The following VPS54 variants were observed in gnomAD, a reference collection of about 807,000 sequenced individuals.
VPS54 encodes vacuolar protein sorting-associated protein 54.
A neutral mutation model predicts 121.5 loss-of-function variants in VPS54; 45 were observed. That is an observed-to-expected ratio of 0.37 (90% CI 0.29 to 0.47). The LOEUF is 0.47. Ranked by LOEUF, VPS54 falls within the 20% of genes least tolerant of loss-of-function variation. The probability of loss-of-function intolerance (pLI) is 0.99; values close to 1 mark genes in which losing one functional copy is unlikely to be tolerated. For synonymous variants in VPS54, 371 were observed against 385.8 expected (o/e 0.96, Z 0.45); for missense variants, 1,090 against 1,131.4 (o/e 0.96, Z 0.52).
intron 7 of VPS54, among the ~76,000 whole-genome samples, chr2:63,960,318 A>T (rs1675698573): frequency 6.6e-6 from 1 of 152,254 alleles, no homozygotes. Flanking sequence ...AAACAAAAAA[A>T]GTAAGGTTGA....
chr2:63,975,757 C>G (rs1276809184), intron 3 of VPS54, among the ~76,000 whole-genome samples: 1 of 152,184 alleles, frequency 6.6e-6, no homozygotes, highest in Non-Finnish European at 1.5e-5. Flanking sequence ...TAACAAAACT[C>G]TAGTCTCCCA....
chr2:63,982,682 G>T (rs1029184565), intron 2 of VPS54, among the ~76,000 whole-genome samples: 1 of 152,168 alleles, frequency 6.6e-6, no homozygotes, highest in African/African-American at 2.4e-5. Context: ...GGACATCATA[G>T]CCTTCTTGCA....
chr2:64,015,653 G>T (rs1307583239), intron 1 of VPS54, among the ~76,000 whole-genome samples: 1 of 152,148 alleles, frequency 6.6e-6, no homozygotes, highest in Non-Finnish European at 1.5e-5. Context: ...TTCCCTTGGA[G>T]TCAAAACCGT....
At chr2:63,988,911 C>T (rs1172674050) in intron 1 of VPS54, among the ~76,000 whole-genome samples, 1 of 152,022 alleles carries the variant, frequency 6.6e-6, no homozygotes, top group African/African-American at 2.4e-5. Flanking sequence ...TCTCTTATTG[C>T]CAAAAACGAG....
intron 1 of VPS54, among the ~76,000 whole-genome samples, chr2:63,993,882 C>A (rs1677450653): frequency 6.6e-6 from 1 of 152,200 alleles, no homozygotes; most frequent in African/African-American, 2.4e-5. Context: ...ATTTCTACCC[C>A]TTATACCTCT....
At chr2:63,959,889 C>T (rs1181858775) in intron 7 of VPS54, among the ~76,000 whole-genome samples, 1 of 151,912 alleles carries the variant, frequency 6.6e-6, no homozygotes, top group East Asian at 1.9e-4. Context: ...GGCACAGTGG[C>T]GGGCACCTGT....
chr2:64,008,735 C>G (rs1559056546), intron 1 of VPS54, among the ~76,000 whole-genome samples: 1 of 151,974 alleles, frequency 6.6e-6, no homozygotes, highest in Non-Finnish European at 1.5e-5. Context: ...AGCGCTAGAT[C>G]AAGAGCATGT....
intron 7 of VPS54, among the ~76,000 whole-genome samples, chr2:63,951,667 T>A (rs1385197498): frequency 2.0e-5 from 3 of 152,214 alleles, no homozygotes; most frequent in Non-Finnish European, 2.9e-5. Context: ...GTGCTGTGTA[T>A]ATTTTATGGT....
At chr2:64,018,327 G>T (rs1391428516) in intron 1 of VPS54, among the ~76,000 whole-genome samples, 1 of 152,086 alleles carries the variant, frequency 6.6e-6, no homozygotes, top group Non-Finnish European at 1.5e-5. Context: ...CAGACCAAAC[G>T]GCTAATTATA....
At chr2:63,998,494 C>A (rs1238857244) in intron 1 of VPS54, among the ~76,000 whole-genome samples, 1 of 152,058 alleles carries the variant, frequency 6.6e-6, no homozygotes, top group African/African-American at 2.4e-5. Context: ...TTCCTGTCTT[C>A]CTCTTAGTAA....
intron 1 of VPS54, among the ~76,000 whole-genome samples, chr2:64,017,955 A>G (rs1678786990): frequency 1.3e-5 from 2 of 152,206 alleles, no homozygotes; most frequent in South Asian, 4.1e-4. Flanking sequence ...CTGTTCCATC[A>G]TTTAACTGCT....
chr2:63,903,111 A>G (rs1293547326), intron 20 of VPS54, among the ~76,000 whole-genome samples: 1 of 152,220 alleles, frequency 6.6e-6, no homozygotes, highest in Non-Finnish European at 1.5e-5. Context: ...AACACACAAC[A>G]GGTCCAAGAA....
At chr2:63,987,732 G>A (rs1208844441) in intron 1 of VPS54, among the ~76,000 whole-genome samples, 1 of 152,104 alleles carries the variant, frequency 6.6e-6, no homozygotes, top group Non-Finnish European at 1.5e-5. Context: ...TTTCACTGTA[G>A]AGACTTTTCA....
chr2:63,994,223 C>T (rs1372171654), intron 1 of VPS54, among the ~76,000 whole-genome samples: 1 of 152,144 alleles, frequency 6.6e-6, no homozygotes, highest in African/African-American at 2.4e-5. Flanking sequence ...AAAATCTCAC[C>T]ATTTATATTA....
chr2:63,986,015 A>G (rs1184973420), intron 1 of VPS54, among the ~76,000 whole-genome samples: 1 of 152,256 alleles, frequency 6.6e-6, no homozygotes. Context: ...TTCTACATTT[A>G]AGATTGACCA....
chr2:63,960,558 G>T (rs1675709436), intron 7 of VPS54, among the ~76,000 whole-genome samples: 1 of 152,150 alleles, frequency 6.6e-6, no homozygotes, highest in African/African-American at 2.4e-5. Context: ...TGTTTGCCAA[G>T]GCGGCATTCA....
At chr2:64,007,001 G>T (rs1031471049) in intron 1 of VPS54, among the ~76,000 whole-genome samples, 11 of 152,208 alleles carry the variant, frequency 7.2e-5, no homozygotes, top group African/African-American at 2.4e-4. Flanking sequence ...CAAACTTTAG[G>T]ATCCTGAGCC....
At chr2:64,001,116 C>T (rs1398350078) in intron 1 of VPS54, among the ~76,000 whole-genome samples, 7 of 152,230 alleles carry the variant, frequency 4.6e-5, no homozygotes, top group Non-Finnish European at 1.0e-4. Flanking sequence ...ACTTCTCTCT[C>T]CCCTTTCCAC....
chr2:63,973,150 A>G (rs758884715), intron 3 of VPS54, among the ~76,000 whole-genome samples: 6 of 152,034 alleles, frequency 3.9e-5, no homozygotes, highest in African/African-American at 1.5e-4. Context: ...TCCCACCAGC[A>G]ATAAATAAGA....
Sources: gnomAD v4.1 joint callset for allele counts (sites outside exome capture counted in the v4.1 genomes callset) on GRCh38, gnomAD v4.1.1 for gene constraint, MANE v1.5 for transcripts, NCBI Gene and HGNC (gene_info 2026-07-23, HGNC 2026-07-21) for gene names.